The following PPARGC1A variants were observed in gnomAD, a reference collection of about 807,000 sequenced individuals.
The protein encoded by PPARGC1A is PPARG coactivator 1 alpha.
PPARGC1A carries 25 observed loss-of-function variants against 88.7 expected under a neutral mutation model. That is an observed-to-expected ratio of 0.28 (90% CI 0.21 to 0.39). The LOEUF is 0.39. PPARGC1A is among the 10% of genes least tolerant of loss of function. The probability of loss-of-function intolerance (pLI) is 1.00; values close to 1 mark genes in which losing one functional copy is unlikely to be tolerated. For missense variants in PPARGC1A, 880 were observed against 968.7 expected (o/e 0.91, Z 1.22); for synonymous variants, 363 against 355.6 (o/e 1.02, Z -0.24).
chr4:24,295,024 C>A, the PPARGC1A span, among the ~76,000 whole-genome samples: 1 of 152,190 alleles, frequency 6.6e-6, no homozygotes, highest in Non-Finnish European at 1.5e-5. Context: ...GTGCTGTGGT[C>A]AATCACAGGC....
At chr4:23,826,201 A>T (rs553084400) in intron 5 of PPARGC1A, among the ~76,000 whole-genome samples, 1 of 152,268 alleles carries the variant, frequency 6.6e-6, no homozygotes, top group South Asian at 2.1e-4. Context: ...AATGAGAGCC[A>T]TAAGAAGGGG....
At chr4:24,305,129 GTA>G in the PPARGC1A span, among the ~76,000 whole-genome samples, 1 of 58,908 alleles carries the variant, frequency 1.7e-5, no homozygotes, top group Non-Finnish European at 2.9e-5. Context: ...ACATATATGT[GTA>G]TGTATATATA....
At chr4:24,194,668 ACCC>A in the PPARGC1A span, among the ~76,000 whole-genome samples, 1 of 12,264 alleles carries the variant, frequency 8.2e-5, no homozygotes, top group Non-Finnish European at 1.8e-4. Flanking sequence ...ACACACACAC[ACCC>A]CCATCAAGAA....
the PPARGC1A span, among the ~76,000 whole-genome samples, chr4:24,342,964 A>T: frequency 6.6e-6 from 1 of 152,204 alleles, no homozygotes; most frequent in Non-Finnish European, 1.5e-5. Context: ...GAGACTAGAA[A>T]TCTGACCCAC....
At chr4:24,465,236 G>C in the PPARGC1A span, among the ~76,000 whole-genome samples, 55 of 152,246 alleles carry the variant, frequency 3.6e-4, no homozygotes, top group South Asian at 9.1e-3. Context: ...GGTGGATCTG[G>C]TACCATATTC....
At chr4:24,304,987 G>A in the PPARGC1A span, among the ~76,000 whole-genome samples, 1 of 151,976 alleles carries the variant, frequency 6.6e-6, no homozygotes, top group African/African-American at 2.4e-5. Context: ...GCTGAAGATG[G>A]ATAAGTCAGA....
chr4:23,895,806 C>T (rs1026500578), intron 1 of PPARGC1A, among the ~76,000 whole-genome samples: 1 of 151,826 alleles, frequency 6.6e-6, no homozygotes, highest in Middle Eastern at 3.2e-3. Context: ...CATCCTAAGG[C>T]AATAATAAGG....
the PPARGC1A span, among the ~76,000 whole-genome samples, chr4:24,154,399 C>G: frequency 6.6e-6 from 1 of 152,160 alleles, no homozygotes; most frequent in African/African-American, 2.4e-5. Context: ...AAGCAAATGG[C>G]GTCTTCTAAC....
At chr4:24,194,604 T>G in the PPARGC1A span, among the ~76,000 whole-genome samples, 1 of 139,350 alleles carries the variant, frequency 7.2e-6, no homozygotes. Flanking sequence ...ACCAGTGGGC[T>G]GGCACACACG....
chr4:24,255,820 G>A, the PPARGC1A span, among the ~76,000 whole-genome samples: 1 of 152,220 alleles, frequency 6.6e-6, no homozygotes, highest in Admixed American at 6.5e-5. Flanking sequence ...GATGGAGCAA[G>A]TCGCTCCACT....
chr4:24,239,671 A>G, the PPARGC1A span, among the ~76,000 whole-genome samples: 13 of 152,332 alleles, frequency 8.5e-5, no homozygotes, highest in Non-Finnish European at 1.8e-4. Context: ...GCTGAGCTCC[A>G]GAGTAAGTAG....
At chr4:24,444,067 TC>T in the PPARGC1A span, among the ~76,000 whole-genome samples, 1 of 152,020 alleles carries the variant, frequency 6.6e-6, no homozygotes, top group African/African-American at 2.4e-5. Context: ...AGAAAGAGTC[TC>T]ATTATGTTGC....
chr4:24,166,532 C>T, the PPARGC1A span, among the ~76,000 whole-genome samples: 6 of 152,280 alleles, frequency 3.9e-5, no homozygotes, highest in East Asian at 3.9e-4. Context: ...CTGATTCTCT[C>T]GTTAGAGGTT....
the PPARGC1A span, among the ~76,000 whole-genome samples, chr4:24,169,845 A>G: frequency 6.6e-6 from 1 of 152,072 alleles, no homozygotes; most frequent in Non-Finnish European, 1.5e-5. Context: ...TCAAAAAACA[A>G]AAAGATAATC....
chr4:23,807,847 A>G (rs1720117230), intron 10 of PPARGC1A, among the ~76,000 whole-genome samples: 1 of 152,136 alleles, frequency 6.6e-6, no homozygotes, highest in Non-Finnish European at 1.5e-5. Flanking sequence ...GTTGTATAGC[A>G]GATCTCTATA....
At chr4:24,257,781 C>G in the PPARGC1A span, among the ~76,000 whole-genome samples, 1 of 152,152 alleles carries the variant, frequency 6.6e-6, no homozygotes, top group African/African-American at 2.4e-5. Flanking sequence ...CATTCTCTCC[C>G]TGAAATCAAC....
chr4:23,901,647 A>G (rs558920925), upstream of PPARGC1A, among the ~76,000 whole-genome samples: 1 of 152,272 alleles, frequency 6.6e-6, no homozygotes, highest in East Asian at 1.9e-4. Context: ...AGGAACCACA[A>G]AGTATCAAAT....
chr4:24,339,750 T>C, the PPARGC1A span, among the ~76,000 whole-genome samples: 2 of 152,194 alleles, frequency 1.3e-5, no homozygotes, highest in Non-Finnish European at 2.9e-5. Flanking sequence ...TTTTGCTTTG[T>C]TTTTTTCAGA....
At chr4:24,106,627 A>G in the PPARGC1A span, among the ~76,000 whole-genome samples, 2 of 152,310 alleles carry the variant, frequency 1.3e-5, no homozygotes, top group African/African-American at 2.4e-5. Flanking sequence ...TTCCTTTGCC[A>G]TGTGACTCTG....
Sources: allele counts gnomAD v4.1 joint callset (sites outside exome capture counted in the v4.1 genomes callset), GRCh38; gene constraint gnomAD v4.1.1; transcripts MANE v1.5; gene names NCBI Gene and HGNC (gene_info 2026-07-23, HGNC 2026-07-21).